The following AMPD3 variants were observed in gnomAD, a reference collection of about 807,000 sequenced individuals.
AMPD3 encodes AMP deaminase 3.
AMPD3 carries 57 observed loss-of-function variants against 82.3 expected under a neutral mutation model. The observed-to-expected ratio is 0.69, with a 90% CI of 0.56 to 0.86. The LOEUF (loss-of-function observed/expected upper bound fraction) is 0.86. AMPD3 is among the 40% of genes least tolerant of loss of function. AMPD3 has a pLI of 0.00. For synonymous variants in AMPD3, 381 were observed against 394.7 expected (o/e 0.97, Z 0.41); for missense variants, 870 against 1,003.8 (o/e 0.87, Z 1.80).
chr11:10,476,552 G>A (rs1476120993), intron 2 of AMPD3, among the ~76,000 whole-genome samples: 2 of 151,384 alleles, frequency 1.3e-5, no homozygotes, highest in Non-Finnish European at 2.9e-5. Context: ...GCTTCTTGTT[G>A]GTAGGACCAG....
upstream of AMPD3, among the ~76,000 whole-genome samples, chr11:10,453,477 A>G (rs1220106305): frequency 6.6e-6 from 1 of 151,954 alleles, no homozygotes; most frequent in Admixed American, 6.6e-5. Context: ...CCTTTGTCCA[A>G]CTCCTTGTGT....
intron 7 of AMPD3, 99 bp from the exon 8 acceptor site, chr11:10,494,800 G>A (rs1849341703): frequency 6.3e-7 from 1 of 1,585,702 alleles, no homozygotes; most frequent in Non-Finnish European, 8.6e-7. Flanking sequence ...ATGTCTTTCG[G>A]TGTGGCCATA....
At chr11:10,486,668 G>A (rs1849079674) in intron 5 of AMPD3, 1 of 985,432 alleles carries the variant, frequency 1.0e-6, no homozygotes, top group Non-Finnish European at 1.2e-6. Context: ...TTGGGCCGTG[G>A]CCATTAGGTC....
At chr11:10,491,607 G>C (rs1849242298) in intron 6 of AMPD3, among the ~76,000 whole-genome samples, 1 of 152,192 alleles carries the variant, frequency 6.6e-6, no homozygotes, top group Non-Finnish European at 1.5e-5. Flanking sequence ...TGGCAGTGAG[G>C]TTGGAGAATA....
upstream of AMPD3, chr11:10,455,095 C>G (rs1169076666): frequency 1.6e-5 from 16 of 975,022 alleles, no homozygotes; most frequent in Non-Finnish European, 1.9e-5. Flanking sequence ...AGGCCCAAGT[C>G]AGGGTTACAG....
At chr11:10,455,539 A>C in intron 1 of AMPD3, 91 bp downstream of exon 1, 7 of 695,004 alleles carry the variant, frequency 1.0e-5, no homozygotes, top group Non-Finnish European at 1.2e-5. Context: ...GGGTTCTGGT[A>C]AAGCTTATCA....
chr11:10,468,260 A>G (rs565397428), intron 2 of AMPD3, among the ~76,000 whole-genome samples: 29 of 152,272 alleles, frequency 1.9e-4, no homozygotes, highest in Admixed American at 9.8e-4. Flanking sequence ...AGTGTGCTGT[A>G]TTCAGGAGAC....
chr11:10,493,444 G>T lies in AMPD3; in HGVS notation c.1035G>T (p.Val345=), dbSNP rs764564612. The T allele has an allele frequency of 6.2e-7, 1 of 1,614,242 alleles. No homozygotes were observed. The highest frequency in any genetic ancestry group is 1.7e-5 in the Admixed American group (1 of 60,028). Reference sequence around the variant, plus strand: ...ACCAGACGGAGCCTGACAGGACTGTGGCAGAGAAGCGGGGCCGGAAGATCA... The same window carrying T: ...ACCAGACGGAGCCTGACAGGACTGTTGCAGAGAAGCGGGGCCGGAAGATCA... ...HTYQTEPDRT[V]AEKRGRKITL... The change falls in exon 7 of 15, where the codon GTG becomes GTT. Residue 345 remains valine (V), a synonymous_variant. Coordinates refer to ENST00000396553, the MANE Select transcript of AMPD3 (RefSeq NM_001025389.2).
upstream of AMPD3, chr11:10,450,684 T>C (rs1847937491): frequency 1.9e-6 from 2 of 1,048,846 alleles, no homozygotes; most frequent in Admixed American, 5.6e-5. Context: ...GCGCCCCTGC[T>C]GCTCTCAAGT....
At chr11:10,458,237 T>C (rs1848155761) in intron 1 of AMPD3, among the ~76,000 whole-genome samples, 1 of 112,368 alleles carries the variant, frequency 8.9e-6, no homozygotes, top group African/African-American at 3.5e-5. Context: ...CTGGACAACA[T>C]GGCAAAACCT....
intron 2 of AMPD3, among the ~76,000 whole-genome samples, chr11:10,467,364 G>T (rs185525884): frequency 6.6e-6 from 1 of 152,144 alleles, no homozygotes; most frequent in Non-Finnish European, 1.5e-5. Flanking sequence ...AGAACATTGT[G>T]AAGCATTCAC....
chr11:10,500,161 G>C lies in AMPD3; in HGVS notation c.1633G>C (p.Asp545His). 1.9e-6 allele frequency: 3 copies of C among 1,614,194 alleles called. No homozygotes were observed. Among genetic ancestry groups the C allele is most frequent in the Non-Finnish European group, 2.5e-6 (3 of 1,180,012 alleles). Reference sequence around the variant, plus strand: ...GTTTTCCGACAAGAGCCCAAACCCGGACGTCTGGACCAGTGAGCAGAACCC... The same window carrying C: ...GTTTTCCGACAAGAGCCCAAACCCGCACGTCTGGACCAGTGAGCAGAACCC... ...HMFSDKSPNP[D>H]VWTSEQNPPY... Residue 545 changes from aspartate to histidine, a missense_variant, in exon 11 of 15, where the codon GAC (aspartate) becomes CAC (histidine). By Grantham distance (81) the Asp-to-His change is moderately conservative. Coordinates refer to ENST00000396553, the MANE Select transcript of AMPD3 (RefSeq NM_001025389.2).
At chr11:10,463,173 C>G (rs1848321063) in intron 2 of AMPD3, among the ~76,000 whole-genome samples, 1 of 152,186 alleles carries the variant, frequency 6.6e-6, no homozygotes, top group South Asian at 2.1e-4. Flanking sequence ...GATACTGCCT[C>G]AGTTTTAAAG....
chr11:10,457,950 G>C (rs548579335), intron 1 of AMPD3, among the ~76,000 whole-genome samples: 196 of 151,654 alleles, frequency 1.3e-3, no homozygotes, highest in African/African-American at 4.6e-3. Flanking sequence ...TCTGGCATAA[G>C]AGCCCTCAGA....
In AMPD3 at chr11:10,497,770, G is replaced by A. The variant is rs973415208; in HGVS notation, c.1557+832G>A. ...GTCAGGGGCCTGCCTGGAGACAGGA[G>A]GGGAGCTTGACCCAGCGGAAATAGC... On this transcript the variant is annotated intron_variant, in intron 10 of 14. Transcript: ENST00000396553. The A allele has an allele frequency of 5.1e-6, 5 of 985,152 alleles. No homozygotes were observed. In the African/African-American group the frequency reaches 7.0e-5, roughly 14 times the overall value. 61.0% of individuals were successfully genotyped at this position (985,152 alleles called of 1,614,324 possible).
chr11:10,501,984 C>T (rs1429445346), intron 12 of AMPD3: 1 of 985,314 alleles, frequency 1.0e-6, no homozygotes, highest in Non-Finnish European at 1.2e-6. Flanking sequence ...AATATCTATG[C>T]TCCTTTTTCC....
In AMPD3 at chr11:10,502,761, C is replaced by G; in HGVS notation, c.1883C>G (p.Pro628Arg). 1.9e-6 allele frequency: 3 copies of G among 1,614,224 alleles called. No homozygotes were observed. Among genetic ancestry groups the G allele is most frequent in the Non-Finnish European group, 1.7e-6 (2 of 1,180,040 alleles). The change falls in exon 13 of 15, where the codon CCC becomes CGC. Residue 628 changes from proline (P) to arginine (R), a missense_variant. Transcript: ENST00000396553. ...LQYLYYLAQIPIAMSPLSNNS... is the reference protein window; with the variant it reads ...LQYLYYLAQIRIAMSPLSNNS... ...TATCTCTACTACCTTGCTCAGATCC[C>G]CATTGCCATGTCTCCTCTTAGCAAC...
chr11:10,486,998 T>C (rs942558339), intron 5 of AMPD3: 4 of 985,442 alleles, frequency 4.1e-6, no homozygotes, highest in Non-Finnish European at 4.8e-6. Context: ...AACACCTGTA[T>C]GAGGTCCCAG....
chr11:10,467,439 G>A (rs544946545), intron 2 of AMPD3, among the ~76,000 whole-genome samples: 8 of 152,080 alleles, frequency 5.3e-5, no homozygotes, highest in African/African-American at 1.9e-4. Context: ...CCAACTTAAT[G>A]AAATAAAATA....
Sources: allele counts gnomAD v4.1 joint callset (sites outside exome capture counted in the v4.1 genomes callset), GRCh38; gene constraint gnomAD v4.1.1; transcripts MANE v1.5; gene names NCBI Gene and HGNC (gene_info 2026-07-23, HGNC 2026-07-21).